Variants in EFCAB7 observed in about 807,000 individuals in gnomAD.
EFCAB7 encodes the protein EF-hand calcium-binding domain-containing protein 7.
A neutral mutation model predicts 77.1 loss-of-function variants in EFCAB7; 66 were observed. The ratio of observed to expected loss-of-function variants is 0.86; its 90% CI spans 0.70 to 1.05. The LOEUF (loss-of-function observed/expected upper bound fraction) is 1.05. Ranked by LOEUF, EFCAB7 falls within the 50% of genes least tolerant of loss-of-function variation. EFCAB7 has a pLI of 0.00. For missense variants in EFCAB7, 638 were observed against 730.5 expected (o/e 0.87, Z 1.46); for synonymous variants, 225 against 243.3 (o/e 0.92, Z 0.70).
chr1:63,559,841 G>A (rs1461076856), intron 10 of EFCAB7, among the ~76,000 whole-genome samples: 2 of 152,118 alleles, frequency 1.3e-5, no homozygotes, highest in Non-Finnish European at 2.9e-5. Flanking sequence ...ATATATTTAT[G>A]TCGGTCTATT....
chr1:63,532,780 A>G (rs375797926), intron 4 of EFCAB7, 24 bp downstream of exon 4: 1 of 1,554,158 alleles, frequency 6.4e-7, no homozygotes, highest in African/African-American at 1.4e-5. Flanking sequence ...CATTGATGTA[A>G]ATTTACATAC....
intron 11 of EFCAB7, among the ~76,000 whole-genome samples, chr1:63,563,829 T>G (rs1373203537): frequency 6.6e-6 from 1 of 152,220 alleles, no homozygotes; most frequent in Non-Finnish European, 1.5e-5. Context: ...ATTCCCTGTA[T>G]CAGCCTATGA....
At chr1:63,549,343 C>A (rs1367099735) in intron 7 of EFCAB7, 1 of 470,790 alleles carries the variant, frequency 2.1e-6, no homozygotes, top group South Asian at 1.6e-5. Context: ...CTGCAAGGAA[C>A]AAAATGTTTG....
the EFCAB7 span, among the ~76,000 whole-genome samples, chr1:63,583,461 C>A: frequency 2.6e-5 from 4 of 152,146 alleles, no homozygotes; most frequent in African/African-American, 9.7e-5. Context: ...CCACCTTTTA[C>A]AGTTTTTTTG....
chr1:63,550,468 G>A (rs1646951580), intron 7 of EFCAB7: 1 of 151,940 alleles, frequency 6.6e-6, no homozygotes, highest in African/African-American at 2.4e-5. Flanking sequence ...ATTATTTGTT[G>A]TCCCATAATT....
At position 63,525,779 on chromosome 1, in the gene EFCAB7, A is replaced by G; in HGVS notation, c.187+20A>G. On this transcript the variant is annotated intron_variant, in intron 2 of 13. Coordinates refer to ENST00000371088, the MANE Select transcript of EFCAB7 (RefSeq NM_032437.4). Reference sequence around the variant, plus strand: ...ACTTAGGTAAATTTTTAAAATTTTTAAATCTTTCACCTTTTTGTTGAAAGT... The same window carrying G: ...ACTTAGGTAAATTTTTAAAATTTTTGAATCTTTCACCTTTTTGTTGAAAGT... 1 of 1,489,842 alleles carries G rather than the reference A, an allele frequency of 6.7e-7. No homozygotes were observed. Among genetic ancestry groups the G allele is most frequent in the Non-Finnish European group, 9.0e-7 (1 of 1,115,822 alleles). The allele number at this position is 1,489,842 out of a possible 1,614,324, so 92.3% of individuals were successfully genotyped here.
At chr1:63,556,116 G>A (rs1315771151) in intron 9 of EFCAB7, among the ~76,000 whole-genome samples, 2 of 152,068 alleles carry the variant, frequency 1.3e-5, no homozygotes, top group Non-Finnish European at 1.5e-5. Context: ...AAGTAGTGGG[G>A]GGGTTGGGGA....
At chr1:63,537,695 C>T (rs946168748) in intron 6 of EFCAB7, among the ~76,000 whole-genome samples, 1 of 152,070 alleles carries the variant, frequency 6.6e-6, no homozygotes, top group Non-Finnish European at 1.5e-5. Flanking sequence ...GTATAGTTTA[C>T]AATTCTTTAA....
chr1:63,539,376 A>G (rs1646801813), intron 6 of EFCAB7, among the ~76,000 whole-genome samples: 1 of 152,206 alleles, frequency 6.6e-6, no homozygotes, highest in African/African-American at 2.4e-5. Flanking sequence ...AAGTAAGAAA[A>G]CCAAATAATT....
intron 6 of EFCAB7, among the ~76,000 whole-genome samples, chr1:63,537,856 G>A (rs1646781247): frequency 1.3e-5 from 2 of 152,066 alleles, no homozygotes; most frequent in African/African-American, 4.8e-5. Flanking sequence ...TAAATCTATG[G>A]CAGATCTACT....
At chr1:63,570,510 G>A (rs1184401472) in intron 12 of EFCAB7, 2 of 152,326 alleles carry the variant, frequency 1.3e-5, no homozygotes, top group Non-Finnish European at 2.9e-5. Context: ...CTCCCCTAGA[G>A]TGTGAGCTAG....
chr1:63,554,678 G>A (rs217481), intron 8 of EFCAB7, among the ~76,000 whole-genome samples: 147,196 of 152,326 alleles, frequency 0.97, 71,136 homozygotes, highest in Middle Eastern at 0.99. Flanking sequence ...ATGTTTTCCT[G>A]TACAAATGTT....
chr1:63,573,036 A>T (rs891050072), downstream of EFCAB7, among the ~76,000 whole-genome samples: 1 of 152,142 alleles, frequency 6.6e-6, no homozygotes, highest in African/African-American at 2.4e-5. Flanking sequence ...GGAACCGGCC[A>T]TCTCGATGTG....
rs1229545740 is a variant in EFCAB7, at chr1:63,561,841, C to T, written c.1481C>T (p.Ala494Val). Residue 494 changes from alanine to valine, a missense_variant, in exon 11 of 14, where the codon GCT (alanine) becomes GTT (valine). By Grantham distance (64) the Ala-to-Val change is moderately conservative. Coordinates refer to ENST00000371088, the MANE Select transcript of EFCAB7 (RefSeq NM_032437.4). Reference protein sequence around the residue: ...VTLHSMGYNKALELTEACPFV... With the variant: ...VTLHSMGYNKVLELTEACPFV... ...CTACACTCTATGGGCTACAATAAAG[C>T]TCTGGAGTTGACAGAGGTAAAGTAT... 1.9e-6 allele frequency: 3 copies of T among 1,577,550 alleles called. No homozygotes were observed. The highest frequency in any genetic ancestry group is 4.6e-5 in the East Asian group (2 of 43,610).
At chr1:63,552,900 T>C (rs1646983276) in intron 8 of EFCAB7, among the ~76,000 whole-genome samples, 1 of 152,234 alleles carries the variant, frequency 6.6e-6, no homozygotes, top group Non-Finnish European at 1.5e-5. Flanking sequence ...CAGAACTGAC[T>C]ACAAAGTTAA....
chr1:63,579,254 A>G, the EFCAB7 span, among the ~76,000 whole-genome samples: 1 of 152,202 alleles, frequency 6.6e-6, no homozygotes, highest in African/African-American at 2.4e-5. Flanking sequence ...TCCCCTGGAA[A>G]CCACTATTCT....
chr1:63,536,359 T>C lies in EFCAB7; in HGVS notation c.804+2143T>C, dbSNP rs144914006. 3.3e-3 allele frequency among the ~76,000 whole-genome samples: 498 copies of C among 152,232 alleles called. 3 individuals are homozygous for C. Among genetic ancestry groups the C allele is most frequent in the African/African-American group, 0.012 (479 of 41,556 alleles). On this transcript the variant is annotated intron_variant, in intron 6 of 13. Coordinates refer to ENST00000371088, the MANE Select transcript of EFCAB7 (RefSeq NM_032437.4). Reference sequence around the variant, plus strand: ...TTATTCAGCAGCATTCAGTTCTTTGTTTACATTTTTCTTTTCTTTATTTAT... The same window carrying C: ...TTATTCAGCAGCATTCAGTTCTTTGCTTACATTTTTCTTTTCTTTATTTAT...
chr1:63,555,627 C>A (rs951846073), intron 9 of EFCAB7, 112 bp downstream of exon 9: 1 of 871,070 alleles, frequency 1.1e-6, no homozygotes, highest in Non-Finnish European at 1.7e-6. Context: ...TTCTAATTCA[C>A]CAATTCAACT....
rs187365472 is a variant in EFCAB7 at position 63,546,620 on chromosome 1, G to A, written c.946+563G>A. 3.9e-3 allele frequency among the ~76,000 whole-genome samples: 592 copies of A among 152,204 alleles called. 3 individuals carry two copies. Among genetic ancestry groups the A allele is most frequent in the African/African-American group, 0.013 (528 of 41,538 alleles). ...TGACCTCAGGTGATCCACCCGCTTC[G>A]GCCTCTCAAAGGGCTGGGATTATAG... On this transcript the variant is annotated intron_variant, in intron 7 of 13. Transcript: ENST00000371088.
Sources: gnomAD v4.1 joint callset for allele counts (sites outside exome capture counted in the v4.1 genomes callset) on GRCh38, gnomAD v4.1.1 for gene constraint, MANE v1.5 for transcripts, NCBI Gene and HGNC (gene_info 2026-07-23, HGNC 2026-07-21) for gene names.